Variants in PGR observed in about 807,000 individuals in gnomAD.
PGR encodes progesterone receptor.
A neutral mutation model predicts 76.1 loss-of-function variants in PGR; 25 were observed. That is an observed-to-expected ratio of 0.33 (90% confidence interval 0.24 to 0.46). PGR has a LOEUF of 0.46. Among genes scored for constraint, PGR ranks in the 20% least tolerant of loss-of-function variants. The probability of loss-of-function intolerance (pLI) is 1.00; values close to 1 mark genes in which losing one functional copy is unlikely to be tolerated. For synonymous variants in PGR, 579 were observed against 535.0 expected (o/e 1.08, Z -1.14); for missense variants, 1,172 against 1,225.3 (o/e 0.96, Z 0.65).
At chr11:101,050,371 A>G (rs1029304975) in intron 5 of PGR, among the ~76,000 whole-genome samples, 4 of 152,168 alleles carry the variant, frequency 2.6e-5, no homozygotes, top group African/African-American at 9.7e-5. Context: ...AAAACACAGC[A>G]GAGGTGTAGG....
intron 4 of PGR, among the ~76,000 whole-genome samples, chr11:101,057,789 G>A (rs74661790): frequency 0.029 from 4,420 of 152,240 alleles, 97 homozygotes; most frequent in Non-Finnish European, 0.042. Flanking sequence ...GCCATTTCAA[G>A]ATACTGGAAA....
At chr11:101,106,222 C>T in intron 2 of PGR, among the ~76,000 whole-genome samples, 1 of 152,092 alleles carries the variant, frequency 6.6e-6, no homozygotes, top group East Asian at 1.9e-4. Context: ...CCAAAATTGA[C>T]AAATGGGATC....
chr11:101,046,660 T>C (rs1397915625), intron 6 of PGR, among the ~76,000 whole-genome samples: 1 of 152,050 alleles, frequency 6.6e-6, no homozygotes, highest in Non-Finnish European at 1.5e-5. Context: ...TTCTAGCTTG[T>C]TTTTTAATTA....
chr11:101,060,457 A>T (rs1860451913), intron 4 of PGR, among the ~76,000 whole-genome samples: 1 of 152,226 alleles, frequency 6.6e-6, no homozygotes, highest in African/African-American at 2.4e-5. Flanking sequence ...TGAACACAGC[A>T]GGTACATAAT....
chr11:101,062,653 A>T lies in PGR; in HGVS notation c.2006T>A (p.Leu669Gln). The T allele has an allele frequency of 6.2e-7, 1 of 1,614,044 alleles. No individual in the cohort carries two copies. The highest frequency in any genetic ancestry group is 8.5e-7 in the Non-Finnish European group (1 of 1,179,932). ...PVGVPNESQA[L>Q]SQRFTFSPGQ... ...TGGTGAAAAAGTGAATCTCTGGCTT[A>T]GGGCTTGGCTTTCATTTGGAACGCC... The change falls in exon 4 of 8, where the codon CTA becomes CAA. Residue 669 changes from leucine to glutamine, a missense_variant. By Grantham distance (113) the Leu-to-Gln change is moderately radical. Coordinates refer to ENST00000325455, the MANE Select transcript of PGR (RefSeq NM_000926.4).
intron 2 of PGR, among the ~76,000 whole-genome samples, chr11:101,099,530 A>G (rs1861933488): frequency 6.6e-6 from 1 of 152,122 alleles, no homozygotes; most frequent in South Asian, 2.1e-4. Flanking sequence ...GCTTTTCTGA[A>G]AATATTTATC....
chr11:101,112,799 G>T (rs1412197489), intron 2 of PGR, among the ~76,000 whole-genome samples: 1 of 152,024 alleles, frequency 6.6e-6, no homozygotes, highest in Non-Finnish European at 1.5e-5. Flanking sequence ...AAATACTTAG[G>T]ACAAAGAGAC....
chr11:101,076,990 A>T (rs1145463), intron 3 of PGR, among the ~76,000 whole-genome samples: 34,666 of 112,666 alleles, frequency 0.31, 5,218 homozygotes, highest in Middle Eastern at 0.44. Context: ...CCTCTTTTCC[A>T]TTTTCTTTCT....
At chr11:101,091,717 T>C in intron 3 of PGR, 43 bp downstream of exon 3, 1 of 985,344 alleles carries the variant, frequency 1.0e-6, no homozygotes, top group Non-Finnish European at 1.6e-6. Flanking sequence ...TTTTATAGTA[T>C]AAAGATTACA....
At chr11:101,084,067 A>T (rs1193431491) in intron 3 of PGR, among the ~76,000 whole-genome samples, 5 of 152,090 alleles carry the variant, frequency 3.3e-5, no homozygotes, top group Admixed American at 2.0e-4. Context: ...TGGATCATGG[A>T]GGCAAATTTC....
At chr11:101,108,294 T>C (rs1480343040) in intron 2 of PGR, among the ~76,000 whole-genome samples, 5 of 150,096 alleles carry the variant, frequency 3.3e-5, no homozygotes, top group African/African-American at 1.2e-4. Context: ...GGTTTATGCC[T>C]GAAACTCCAG....
chr11:101,094,413 G>A (rs1284540432), intron 2 of PGR, among the ~76,000 whole-genome samples: 1 of 151,964 alleles, frequency 6.6e-6, no homozygotes, highest in Non-Finnish European at 1.5e-5. Context: ...TTCATATTTT[G>A]GGGCCTCTCT....
intron 3 of PGR, 34 bp from the exon 4 acceptor site, chr11:101,062,786 T>C (rs1173439966): frequency 1.4e-6 from 2 of 1,463,464 alleles, no homozygotes; most frequent in African/African-American, 2.8e-5. Flanking sequence ...TTCATGTAAA[T>C]ATATATAAAC....
At chr11:101,051,754 T>C (rs1860096153) in intron 4 of PGR, among the ~76,000 whole-genome samples, 186 bp from the exon 5 acceptor site, 1 of 152,190 alleles carries the variant, frequency 6.6e-6, no homozygotes, top group South Asian at 2.1e-4. Context: ...TCAGCAACTT[T>C]GGAAGTCACT....
rs367822343 is a variant in PGR, at chr11:101,062,487, C to T, written c.2172G>A (p.Arg724=). 1.2e-6 allele frequency: 2 copies of T among 1,613,898 alleles called. No individual in the cohort carries two copies. The highest frequency in any genetic ancestry group is 1.7e-6 in the Non-Finnish European group (2 of 1,179,874). ...ACCACTTGACTACTGAAAGAAGTTG[C>T]CTCTCGCCTAGTTGATTAAGACTTG... is the stretch of plus-strand genomic sequence containing the variant. ...LLTSLNQLGE[R]QLLSVVKWSK... is the part of the protein sequence containing the mutation. The change falls in exon 4 of 8, where the codon AGG becomes AGA. Residue 724 remains arginine (R), a synonymous_variant. Transcript: ENST00000325455.
intron 3 of PGR, among the ~76,000 whole-genome samples, chr11:101,064,956 T>C (rs1275911763): frequency 6.6e-6 from 1 of 152,244 alleles, no homozygotes; most frequent in Non-Finnish European, 1.5e-5. Flanking sequence ...CTGTATCGGT[T>C]TGTAGCCCAG....
rs61303675 is a variant in PGR at position 101,055,414 on chromosome 11, C to CAAA, written c.2213-3849_2213-3847dup. 2.3e-4 allele frequency among the ~76,000 whole-genome samples: 15 copies of CAAA among 65,042 alleles called. 2 individuals carry two copies. The highest frequency in any genetic ancestry group is 2.2e-4 in the Admixed American group (1 of 4,486). 42.7% of individuals were successfully genotyped at this position (65,042 alleles called of 152,430 possible). The stretch of plus-strand genomic sequence containing the variant: ...CTGGTGACACAGCGAGACTCCATCT[C>CAAA]AAAAAAAAAAAAAAAAAAAAAAAAA... On this transcript the variant is annotated intron_variant, in intron 4 of 7. Coordinates refer to ENST00000325455, the MANE Select transcript of PGR (RefSeq NM_000926.4).
At chr11:101,073,488 C>T (rs1460489764) in intron 3 of PGR, among the ~76,000 whole-genome samples, 4 of 151,450 alleles carry the variant, frequency 2.6e-5, no homozygotes, top group Non-Finnish European at 4.4e-5. Context: ...CAGAGCAGAA[C>T]CGAAGGAGAT....
chr11:101,127,830 A>G lies in PGR; in HGVS notation c.1241T>C (p.Phe414Ser), dbSNP rs894851337. 5.1e-5 allele frequency: 80 copies of G among 1,579,636 alleles called. No individual in the cohort carries two copies. Among genetic ancestry groups the G allele is most frequent in the Non-Finnish European group, 6.5e-5 (76 of 1,170,112 alleles). The change falls in exon 1 of 8, where the codon TTC (phenylalanine) becomes TCC (serine). Residue 414 changes from phenylalanine (F) to serine (S), a missense_variant. Physicochemically the swap from Phe to Ser is radical, Grantham distance 155. Around this residue, in one of 4 missense-constraint regions of PGR, gnomAD observed 893 missense variants for 785.9 expected, o/e 1.14. Coordinates refer to ENST00000325455, the MANE Select transcript of PGR (RefSeq NM_000926.4). ...YLVAGANPAA[F>S]PDFPLGPPPP... ...CGGTGGCCCCAACGGGAAATCCGGG[A>G]AGGCTGCGGGGTTGGCACCGGCCAC...
Sources: allele counts gnomAD v4.1 joint callset (sites outside exome capture counted in the v4.1 genomes callset), GRCh38; gene constraint gnomAD v4.1.1; regional missense constraint gnomAD v4.1.1; transcripts MANE v1.5; gene names NCBI Gene and HGNC (gene_info 2026-07-23, HGNC 2026-07-21).